Variants in EYS observed in about 807,000 individuals in gnomAD.
The protein encoded by EYS is EGF-like photoreceptor maintenance factor, also known as protein eyes shut homolog.
Under a neutral mutation model 282.1 loss-of-function variants are expected in EYS, and 250 were observed. The ratio of observed to expected loss-of-function variants is 0.89; its 90% confidence interval spans 0.80 to 0.98. EYS has a LOEUF of 0.98. EYS is among the 50% of genes least tolerant of loss of function. The pLI is 0.00. For synonymous variants in EYS, 1,355 were observed against 1,282.9 expected, an observed-to-expected ratio of 1.06 and a Z score of -1.20; for missense variants, 4,016 against 3,709.0, an observed-to-expected ratio of 1.08 and a Z score of -2.15.
chr6:64,282,972 C>T (rs72882127), intron 30 of EYS, among the ~76,000 whole-genome samples: 9 of 152,248 alleles, frequency 5.9e-5, no homozygotes, highest in Non-Finnish European at 1.2e-4. Context: ...CTTGTCACTG[C>T]TCAAAACTCT....
intron 24 of EYS, 27 bp downstream of exon 24, chr6:64,617,391 A>G: frequency 7.2e-7 from 1 of 1,395,020 alleles, no homozygotes; most frequent in African/African-American, 1.4e-5. Flanking sequence ...AAAAATTATT[A>G]CAACCACAAC....
chr6:64,243,925 T>C (rs1453365772), intron 30 of EYS, among the ~76,000 whole-genome samples: 1 of 152,154 alleles, frequency 6.6e-6, no homozygotes, highest in Non-Finnish European at 1.5e-5. Flanking sequence ...AATACTGCAG[T>C]GAATATCATC....
chr6:65,535,348 T>C (rs1767924513), intron 2 of EYS, among the ~76,000 whole-genome samples: 1 of 152,120 alleles, frequency 6.6e-6, no homozygotes. Context: ...GGTAATTGAA[T>C]CATGGGGGCA....
chr6:64,308,231 T>C (rs2150376683), intron 29 of EYS, among the ~76,000 whole-genome samples: 1 of 152,142 alleles, frequency 6.6e-6, no homozygotes, highest in African/African-American at 2.4e-5. Context: ...CTGCAGCCTG[T>C]CCTCCTTAGG....
At chr6:64,842,193 G>A (rs541083307) in intron 19 of EYS, among the ~76,000 whole-genome samples, 1 of 151,596 alleles carries the variant, frequency 6.6e-6, no homozygotes, top group African/African-American at 2.4e-5. Flanking sequence ...CAGGAGCGCA[G>A]AATTTACATA....
intron 31 of EYS, among the ~76,000 whole-genome samples, chr6:64,105,035 G>A (rs558470751): frequency 2.8e-4 from 42 of 151,832 alleles, no homozygotes; most frequent in Non-Finnish European, 4.9e-4. Flanking sequence ...GAATGAATGA[G>A]AGAGAGGGGG....
chr6:63,826,269 AT>A (rs1006294717), intron 36 of EYS, among the ~76,000 whole-genome samples: 2 of 152,236 alleles, frequency 1.3e-5, no homozygotes, highest in African/African-American at 4.8e-5. Flanking sequence ...AAGAATAATC[AT>A]TGTTCCTGAG....
At chr6:65,412,484 GCAC>G (rs562212755) in intron 5 of EYS, among the ~76,000 whole-genome samples, 2 of 152,238 alleles carry the variant, frequency 1.3e-5, no homozygotes, top group South Asian at 4.1e-4. Context: ...CTCCTCATAT[GCAC>G]CAGCATTTCG....
At chr6:64,961,641 G>C (rs1769923479) in intron 14 of EYS, among the ~76,000 whole-genome samples, 2 of 151,958 alleles carry the variant, frequency 1.3e-5, no homozygotes, top group Non-Finnish European at 2.9e-5. Context: ...CAGTACAATG[G>C]AATAAGTCCA....
chr6:63,890,376 A>C (rs1338858945), intron 35 of EYS, among the ~76,000 whole-genome samples: 2 of 152,236 alleles, frequency 1.3e-5, no homozygotes, highest in Non-Finnish European at 2.9e-5. Flanking sequence ...AATGCAAAAG[A>C]ATGGAAATAA....
At chr6:65,594,864 T>C (rs577660214) in intron 2 of EYS, among the ~76,000 whole-genome samples, 58 of 152,212 alleles carry the variant, frequency 3.8e-4, no homozygotes, top group African/African-American at 1.3e-3. Flanking sequence ...AGGGATCCAG[T>C]TTCAGCTTTC....
intron 22 of EYS, among the ~76,000 whole-genome samples, chr6:64,642,886 C>T (rs950523753): frequency 6.6e-5 from 10 of 152,148 alleles, no homozygotes; most frequent in East Asian, 3.9e-4. Flanking sequence ...GAGGCTGAGG[C>T]GGACAGATGA....
At chr6:64,944,189 C>CT (rs1769194988) in intron 15 of EYS, among the ~76,000 whole-genome samples, 1 of 152,008 alleles carries the variant, frequency 6.6e-6, no homozygotes, top group African/African-American at 2.4e-5. Flanking sequence ...AAACTGGACC[C>CT]TTACCTTTTA....
rs370711700 is a variant in EYS at position 64,457,715 on chromosome 6, A to C, written c.5645-18363T>G. ...CCATTTTTCTGAAATATCTTTTTTC[A>C]GTTCTTCATTTTCAATTTGTGGGTC... On this transcript the variant is annotated intron_variant, in intron 26 of 42. Coordinates refer to ENST00000503581, the MANE Select transcript of EYS (RefSeq NM_001142800.2). 5.3e-5 allele frequency among the ~76,000 whole-genome samples: 8 copies of C among 151,974 alleles called. No individual in the cohort carries two copies. The East Asian group carries it at 1.5e-3, about 29-fold the overall frequency.
At chr6:65,374,815 C>G (rs1765299588) in intron 8 of EYS, among the ~76,000 whole-genome samples, 1 of 152,240 alleles carries the variant, frequency 6.6e-6, no homozygotes, top group Admixed American at 6.5e-5. Flanking sequence ...GCTGCTATAG[C>G]CAGACTGCCT....
At chr6:64,338,476 G>A (rs556109873) in intron 29 of EYS, among the ~76,000 whole-genome samples, 6 of 151,866 alleles carry the variant, frequency 4.0e-5, no homozygotes, top group South Asian at 4.2e-4. Context: ...GAAAGAAATC[G>A]TAGACAACAC....
intron 1 of EYS, among the ~76,000 whole-genome samples, chr6:65,655,998 C>T (rs1767808759): frequency 6.6e-6 from 1 of 151,818 alleles, no homozygotes; most frequent in African/African-American, 2.4e-5. Context: ...GTAATTCTCA[C>T]CATATTTCAG....
chr6:64,446,716 T>C (rs949127059), intron 26 of EYS, among the ~76,000 whole-genome samples: 2 of 152,096 alleles, frequency 1.3e-5, no homozygotes, highest in African/African-American at 4.8e-5. Context: ...TCTATAAAAT[T>C]GATAGTTTGA....
chr6:65,678,816 C>A (rs76609999), intron 1 of EYS, among the ~76,000 whole-genome samples: 9 of 144,524 alleles, frequency 6.2e-5, no homozygotes, highest in African/African-American at 7.6e-5. Context: ...TATACATCTC[C>A]AAAAAAAAAA....
Sources: gnomAD v4.1 joint callset for allele counts (sites outside exome capture counted in the v4.1 genomes callset) on GRCh38, gnomAD v4.1.1 for gene constraint, MANE v1.5 for transcripts, NCBI Gene and HGNC (gene_info 2026-07-23, HGNC 2026-07-21) for gene names.